Variants in ZFAT observed in about 807,000 individuals in gnomAD.
The protein encoded by ZFAT is zinc finger and AT-hook domain containing.
A neutral mutation model predicts 117.7 loss-of-function variants in ZFAT; 64 were observed. The ratio of observed to expected loss-of-function variants is 0.54; its 90% CI spans 0.44 to 0.67. The LOEUF is 0.67. Among genes scored for constraint, ZFAT ranks in the 30% least tolerant of loss-of-function variants. The pLI is 0.00. For synonymous variants in ZFAT, 679 were observed against 615.0 expected (o/e 1.10, Z -1.54); for missense variants, 1,433 against 1,584.5 (o/e 0.90, Z 1.62).
chr8:134,599,364 A>T (rs753296889), intron 7 of ZFAT: 2 of 181,834 alleles, frequency 1.1e-5, no homozygotes, highest in Non-Finnish European at 2.3e-5. Flanking sequence ...CACGTGTATA[A>T]ATACATGTAT....
intron 11 of ZFAT, among the ~76,000 whole-genome samples, chr8:134,544,808 C>T (rs1822564863): frequency 1.3e-5 from 2 of 152,112 alleles, no homozygotes; most frequent in Non-Finnish European, 2.9e-5. Context: ...ACTGGCAACA[C>T]GGAATGTTCA....
In ZFAT at chr8:134,495,933, G is replaced by GA. The variant is rs759994129; in HGVS notation, c.3492+13685dup. 1.3e-3 allele frequency among the ~76,000 whole-genome samples: 184 copies of GA among 145,444 alleles called. 1 individual carries two copies. Among genetic ancestry groups the GA allele is most frequent in the Non-Finnish European group, 2.1e-3 (138 of 65,836 alleles). On this transcript the variant is annotated intron_variant, in intron 15 of 15. Transcript: ENST00000377838. ...TGACAGAGTGAGACCCTGTCTCAAA[G>GA]AAAAAAAAAAAGTTGGTGTCTTATC... is the stretch of plus-strand genomic sequence containing the variant.
At chr8:134,720,321 C>CTTAAAATA in the ZFAT span, among the ~76,000 whole-genome samples, 1 of 152,160 alleles carries the variant, frequency 6.6e-6, no homozygotes, top group Non-Finnish European at 1.5e-5. Flanking sequence ...GTTTTTTGGG[C>CTTAAAATA]AGCAAAAGAT....
chr8:134,519,800 G>A (rs992850720), intron 13 of ZFAT, among the ~76,000 whole-genome samples: 13 of 152,168 alleles, frequency 8.5e-5, no homozygotes, highest in African/African-American at 3.1e-4. Context: ...AGTGAAGTAA[G>A]ATGCTGGTGT....
In ZFAT at chr8:134,585,023, A is replaced by T. The variant is rs78342451; in HGVS notation, c.2714-1018T>A. On this transcript the variant is annotated intron_variant, in intron 9 of 15. Coordinates refer to ENST00000377838, the MANE Select transcript of ZFAT (RefSeq NM_020863.4). ...AAGCCCAGCTCTGGTCTGGGTTTCT[A>T]GAGATGAAGTAATAATCTAACCATA... Among the ~76,000 whole-genome samples the T allele has an allele frequency of 2.9e-3, 435 of 152,314 alleles. 4 individuals carry two copies. The highest frequency in any genetic ancestry group is 0.01 in the African/African-American group (418 of 41,576).
the ZFAT span, among the ~76,000 whole-genome samples, chr8:134,729,329 TTTTTG>T: frequency 1.3e-5 from 2 of 152,186 alleles, no homozygotes; most frequent in Non-Finnish European, 2.9e-5. Flanking sequence ...CGCCATTCTT[TTTTTG>T]TTTTGTTTTG....
chr8:134,787,284 A>G, the ZFAT span, among the ~76,000 whole-genome samples: 1 of 151,746 alleles, frequency 6.6e-6, no homozygotes, highest in African/African-American at 2.4e-5. Flanking sequence ...ACATGAAGAC[A>G]CTCTCCTGTT....
chr8:134,606,229 C>T (rs1827879554), intron 5 of ZFAT, among the ~76,000 whole-genome samples: 1 of 152,172 alleles, frequency 6.6e-6, no homozygotes, highest in Admixed American at 6.5e-5. Context: ...AAGCCCCCTG[C>T]ACCCCTAAGA....
rs201585761 is a variant in ZFAT, at chr8:134,601,462, G to A, written c.2242+15C>T. On this transcript the variant is annotated intron_variant, in intron 6 of 15. Coordinates refer to ENST00000377838, the MANE Select transcript of ZFAT (RefSeq NM_020863.4). The stretch of plus-strand genomic sequence containing the variant: ...GTTGTGGACAGGGCCACGCACCGGC[G>A]CTGCCTTTCCTTACCACAGTATTCA... 303 of 1,589,736 alleles carry A rather than the reference G, an allele frequency of 1.9e-4. 2 individuals are homozygous for A. In the African/African-American group the frequency reaches 2.9e-3, roughly 15 times the overall value.
intron 14 of ZFAT, chr8:134,510,577 T>TAC: frequency 1.2e-5 from 2 of 167,338 alleles, no homozygotes; most frequent in Admixed American, 5.9e-5. Context: ...GCTGAGGCAG[T>TAC]GGCGGACTTA....
intron 11 of ZFAT, among the ~76,000 whole-genome samples, chr8:134,552,153 C>T (rs1303529263): frequency 6.6e-6 from 1 of 152,052 alleles, no homozygotes; most frequent in Non-Finnish European, 1.5e-5. Context: ...TTGGTTCTCC[C>T]CAGACTTGTA....
the ZFAT span, among the ~76,000 whole-genome samples, chr8:134,738,218 G>A: frequency 1.3e-5 from 2 of 152,122 alleles, no homozygotes; most frequent in Admixed American, 6.5e-5. Flanking sequence ...CAGGACTCAA[G>A]TTTCCTTGAA....
In ZFAT at chr8:134,696,176, T is replaced by C. The variant is rs574463976; in HGVS notation, c.19+16669A>G. ...CCAAGGAGGTGCCACCCCCAGGCCC[T>C]GGCCCCATCTCTAACCAAGGAGGTG... On this transcript the variant is annotated intron_variant, in intron 1 of 15. Coordinates refer to ENST00000377838, the MANE Select transcript of ZFAT (RefSeq NM_020863.4). Among the ~76,000 whole-genome samples, 499 of 151,912 alleles carry C rather than the reference T, an allele frequency of 3.3e-3. 3 individuals are homozygous for C. Among genetic ancestry groups the C allele is most frequent in the Non-Finnish European group, 5.4e-3 (364 of 67,910 alleles).
intron 15 of ZFAT, among the ~76,000 whole-genome samples, chr8:134,492,145 G>GACTCC (rs149754021): frequency 0.031 from 4,734 of 151,988 alleles, 126 homozygotes; most frequent in Non-Finnish European, 0.046. Context: ...ATCGGGCTGA[G>GACTCC]ACTCCACGTG....
In ZFAT at chr8:134,668,375, C is replaced by G. The variant is rs571390689; in HGVS notation, c.20-10638G>C. Reference sequence around the variant, plus strand: ...CCCAAGTAGGGGCAGACTGACACCTCACATAGCTGGGTACTCCTCTGAGAC... The same window carrying G: ...CCCAAGTAGGGGCAGACTGACACCTGACATAGCTGGGTACTCCTCTGAGAC... On this transcript the variant is annotated intron_variant, in intron 1 of 15. Transcript: ENST00000377838. Among the ~76,000 whole-genome samples the G allele has an allele frequency of 1.4e-4, 21 of 152,360 alleles. No individual in the cohort carries two copies. In the East Asian group the frequency reaches 4.0e-3, roughly 29 times the overall value.
At chr8:134,510,350 G>A (rs879328835) in intron 14 of ZFAT, among the ~76,000 whole-genome samples, 6 of 152,142 alleles carry the variant, frequency 3.9e-5, no homozygotes, top group Admixed American at 6.5e-5. Context: ...CAGGCCATCT[G>A]CAACCGTCCT....
chr8:134,782,781 C>A, the ZFAT span, among the ~76,000 whole-genome samples: 1 of 132,404 alleles, frequency 7.6e-6, no homozygotes, highest in Non-Finnish European at 1.5e-5. Flanking sequence ...TCCATTAAAC[C>A]TCTTTTTCTT....
At chr8:134,712,460 G>A (rs1319015403) in intron 1 of ZFAT, among the ~76,000 whole-genome samples, 1 of 151,758 alleles carries the variant, frequency 6.6e-6, no homozygotes, top group Non-Finnish European at 1.5e-5. Flanking sequence ...GGAGGAATCC[G>A]AGGCCAGGCA....
At chr8:134,696,483 G>T in intron 1 of ZFAT, 2 of 985,622 alleles carry the variant, frequency 2.0e-6, no homozygotes, top group Non-Finnish European at 2.4e-6. Context: ...CGCCTCCGCC[G>T]CTTCCCACGG....
Sources: allele counts gnomAD v4.1 joint callset (sites outside exome capture counted in the v4.1 genomes callset), GRCh38; gene constraint gnomAD v4.1.1; transcripts MANE v1.5; gene names NCBI Gene and HGNC (gene_info 2026-07-23, HGNC 2026-07-21).